Variants in STAU2 observed in about 807,000 individuals in gnomAD.
STAU2 encodes staufen double-stranded RNA binding protein 2.
A neutral mutation model predicts 65.9 loss-of-function variants in STAU2; 20 were observed. The ratio of observed to expected loss-of-function variants is 0.30; its 90% CI spans 0.21 to 0.44. The LOEUF is 0.44. STAU2 is among the 20% of genes least tolerant of loss of function. STAU2 has a pLI of 1.00. For synonymous variants in STAU2, 232 were observed against 233.9 expected, an observed-to-expected ratio of 0.99 and a Z score of 0.07; for missense variants, 558 against 683.9, an observed-to-expected ratio of 0.82 and a Z score of 2.05.
At chr8:73,701,043 T>C (rs576813733) in intron 4 of STAU2, among the ~76,000 whole-genome samples, 327 of 152,202 alleles carry the variant, frequency 2.1e-3, no homozygotes, top group African/African-American at 7.6e-3. Flanking sequence ...CTTCAATAAA[T>C]GGTACTGGGA....
At position 73,435,032 on chromosome 8, in the gene STAU2, C is replaced by T. The variant is rs553813818; in HGVS notation, c.1531-12330G>A. The stretch of plus-strand genomic sequence containing the variant: ...CCAACCCAGGAGACCAGTCCCTAGC[C>T]TCAGGAACACCTGGCAGATGTCAGC... On this transcript the variant is annotated intron_variant, in intron 13 of 14. Transcript: ENST00000524300. Among the ~76,000 whole-genome samples, 17 of 151,788 alleles carry T rather than the reference C, an allele frequency of 1.1e-4. No individual in the cohort carries two copies. In the South Asian group the frequency reaches 3.1e-3, roughly 28 times the overall value.
intron 6 of STAU2, among the ~76,000 whole-genome samples, chr8:73,655,788 ACAGGTG>A: frequency 6.6e-6 from 1 of 151,546 alleles, no homozygotes. Flanking sequence ...AGCTGGGACT[ACAGGTG>A]CCTGCCACCA....
intron 12 of STAU2, among the ~76,000 whole-genome samples, chr8:73,573,003 T>G (rs910804195): frequency 4.6e-5 from 7 of 152,144 alleles, no homozygotes; most frequent in African/African-American, 1.7e-4. Flanking sequence ...TTAGAAAACC[T>G]CATTGTCTCA....
In STAU2 at chr8:73,688,489, C is replaced by CGTGTGT. The variant is rs34713766; in HGVS notation, c.274+159_274+164dup. On this transcript the variant is annotated intron_variant, in intron 5 of 14. Transcript: ENST00000524300. Reference sequence around the variant, plus strand: ...CCTCCTTCAGTTATTTTTATGCTACCGTGTGTGTGTGTGTGTGTGTGTGTG... The same window carrying CGTGTGT: ...CCTCCTTCAGTTATTTTTATGCTACCGTGTGTGTGTGTGTGTGTGTGTGTGTGTGTG... Among the ~76,000 whole-genome samples the CGTGTGT allele has an allele frequency of 3.9e-3, 569 of 146,956 alleles. 9 individuals carry two copies. The highest frequency in any genetic ancestry group is 0.013 in the African/African-American group (495 of 39,544).
At chr8:73,525,245 AT>A (rs1375511281) in intron 13 of STAU2, among the ~76,000 whole-genome samples, 1 of 152,194 alleles carries the variant, frequency 6.6e-6, no homozygotes, top group Non-Finnish European at 1.5e-5. Flanking sequence ...ATTTGCTTTA[AT>A]ATAAAAATGT....
chr8:73,432,783 T>C (rs1817398242), intron 13 of STAU2, among the ~76,000 whole-genome samples: 1 of 152,246 alleles, frequency 6.6e-6, no homozygotes, highest in South Asian at 2.1e-4. Flanking sequence ...TTCCATAAAA[T>C]TGGTACTTTC....
Position 73,738,293 on chromosome 8 carries a change from T to C in STAU2, c.-27A>G, listed in dbSNP as rs756260746. 19 of 1,610,224 alleles carry C rather than the reference T, an allele frequency of 1.2e-5. No individual in the cohort carries two copies. Among genetic ancestry groups the C allele is most frequent in the Middle Eastern group, 1.6e-4 (1 of 6,066 alleles). Reference sequence around the variant, plus strand: ...CTTAACACAAACTCACCTGATTTATTTGAAGCATGTTAAGACAATATTGAC... The same window carrying C: ...CTTAACACAAACTCACCTGATTTATCTGAAGCATGTTAAGACAATATTGAC... On this transcript the variant is annotated 5_prime_UTR_variant, in exon 3 of 15. Coordinates refer to ENST00000524300, the MANE Select transcript of STAU2 (RefSeq NM_001164380.2).
intron 13 of STAU2, among the ~76,000 whole-genome samples, chr8:73,442,517 A>G (rs948355604): frequency 5.3e-5 from 8 of 152,178 alleles, no homozygotes; most frequent in Admixed American, 4.6e-4. Context: ...TATGGTCACA[A>G]GTGGTCTCCC....
At chr8:73,491,502 G>A (rs1821153509) in intron 13 of STAU2, among the ~76,000 whole-genome samples, 1 of 151,910 alleles carries the variant, frequency 6.6e-6, no homozygotes, top group East Asian at 1.9e-4. Flanking sequence ...CCTAGACTTT[G>A]CTCTGGGATT....
intron 12 of STAU2, among the ~76,000 whole-genome samples, chr8:73,579,278 T>C (rs1809815135): frequency 6.6e-6 from 1 of 152,180 alleles, no homozygotes; most frequent in Non-Finnish European, 1.5e-5. Context: ...AGGGGCTAAA[T>C]AAAACTTTTT....
chr8:73,603,905 A>AAACCT (rs769580946), intron 9 of STAU2, 42 bp from the exon 10 acceptor site: 16 of 1,565,838 alleles, frequency 1.0e-5, no homozygotes, highest in Non-Finnish European at 1.4e-5. Context: ...TATGCTTGTG[A>AAACCT]AACCTGTTAT....
At chr8:73,428,655 A>C (rs1817022480) in intron 13 of STAU2, among the ~76,000 whole-genome samples, 1 of 152,174 alleles carries the variant, frequency 6.6e-6, no homozygotes, top group South Asian at 2.1e-4. Context: ...ATTTTTAAAA[A>C]TCTTTTAAAA....
At chr8:73,706,113 C>T (rs557120227) in intron 4 of STAU2, among the ~76,000 whole-genome samples, 199 of 151,074 alleles carry the variant, frequency 1.3e-3, no homozygotes, top group Non-Finnish European at 1.8e-3. Flanking sequence ...ATTAATGTAC[C>T]AAGAAAAAAA....
intron 13 of STAU2, among the ~76,000 whole-genome samples, chr8:73,469,473 T>TA (rs11295928): frequency 1.2e-4 from 17 of 142,722 alleles, no homozygotes; most frequent in Non-Finnish European, 1.2e-4. Flanking sequence ...TATATATATT[T>TA]AAAAAAAAAA....
intron 10 of STAU2, among the ~76,000 whole-genome samples, chr8:73,600,043 C>T (rs1967213): frequency 0.028 from 4,328 of 152,298 alleles, 175 homozygotes; most frequent in African/African-American, 0.095. Flanking sequence ...GCTGGGATTA[C>T]AGGCGTGAGC....
intron 3 of STAU2, among the ~76,000 whole-genome samples, chr8:73,716,175 G>A (rs577804130): frequency 1.2e-3 from 182 of 150,578 alleles, no homozygotes; most frequent in Non-Finnish European, 2.1e-3. Flanking sequence ...TGCAAGCTCC[G>A]CCTCCCGGGT....
chr8:73,644,889 T>C (rs1018972489), intron 6 of STAU2, among the ~76,000 whole-genome samples: 2 of 152,092 alleles, frequency 1.3e-5, no homozygotes, highest in African/African-American at 4.8e-5. Flanking sequence ...ACTTACCCAA[T>C]ATGAAGATGA....
At chr8:73,551,731 C>A (rs1480664631) in intron 13 of STAU2, 14 of 1,075,606 alleles carry the variant, frequency 1.3e-5, no homozygotes, top group Non-Finnish European at 1.5e-5. Context: ...CTAATCAAGA[C>A]CAAATAGAAG....
At chr8:73,532,929 T>C (rs1441808737) in intron 13 of STAU2, among the ~76,000 whole-genome samples, 2 of 152,316 alleles carry the variant, frequency 1.3e-5, no homozygotes, top group East Asian at 3.9e-4. Flanking sequence ...TTCAAGATAT[T>C]CTGCCTCCTT....
Sources: allele counts gnomAD v4.1 joint callset (sites outside exome capture counted in the v4.1 genomes callset), GRCh38; gene constraint gnomAD v4.1.1; transcripts MANE v1.5; gene names NCBI Gene and HGNC (gene_info 2026-07-23, HGNC 2026-07-21).